TBC1D8: variants seen among roughly 807,000 people sequenced by gnomAD.
TBC1D8 encodes TBC1 domain family member 8, also known as BUB2-like protein 1.
TBC1D8 carries 65 observed loss-of-function variants against 118.8 expected under a neutral mutation model. The ratio of observed to expected loss-of-function variants is 0.55; its 90% CI spans 0.45 to 0.67. TBC1D8 has a LOEUF of 0.67. TBC1D8 is among the 30% of genes least tolerant of loss of function. The pLI, the probability that TBC1D8 is intolerant of heterozygous loss-of-function variation, is 0.00. For missense variants in TBC1D8, 1,376 were observed against 1,471.2 expected (o/e 0.94, Z 1.06); for synonymous variants, 566 against 595.8 (o/e 0.95, Z 0.73).
intron 2 of TBC1D8, among the ~76,000 whole-genome samples, chr2:101,071,334 G>C (rs1573978357): frequency 6.6e-6 from 1 of 151,394 alleles, no homozygotes; most frequent in African/African-American, 2.4e-5. Context: ...GACACAGCGA[G>C]ACTCCGTCTC....
chr2:101,038,925 C>T (rs1045696316), intron 6 of TBC1D8, among the ~76,000 whole-genome samples: 8 of 152,210 alleles, frequency 5.3e-5, no homozygotes, highest in African/African-American at 1.4e-4. Flanking sequence ...GACAGAGGCT[C>T]CAGCATGGAT....
At chr2:101,140,842 A>G (rs545768426) in intron 1 of TBC1D8, among the ~76,000 whole-genome samples, 1 of 149,884 alleles carries the variant, frequency 6.7e-6, no homozygotes, top group South Asian at 2.1e-4. Context: ...AGCTCACTGC[A>G]ACCTCCGTCT....
intron 19 of TBC1D8, 77 bp from the exon 20 acceptor site, chr2:101,008,350 G>A: frequency 3.4e-6 from 4 of 1,181,590 alleles, no homozygotes; most frequent in Non-Finnish European, 4.6e-6. Context: ...ATACCTGTGA[G>A]CTTTGAGAAA....
At chr2:101,062,646 A>G (rs1250885062) in intron 2 of TBC1D8, among the ~76,000 whole-genome samples, 1 of 152,098 alleles carries the variant, frequency 6.6e-6, no homozygotes, top group Non-Finnish European at 1.5e-5. Context: ...TTGAATCATT[A>G]TTATTTATTA....
At position 101,020,753 on chromosome 2, in the gene TBC1D8, A is replaced by G. The variant is rs1438865699; in HGVS notation, c.2827+928T>C. Among the ~76,000 whole-genome samples, 3 of 152,278 alleles carry G rather than the reference A, an allele frequency of 2.0e-5. 1 individual carries two copies. In the South Asian group the frequency reaches 6.2e-4, roughly 32 times the overall value. On this transcript the variant is annotated intron_variant, in intron 17 of 19. Coordinates refer to ENST00000409318, the MANE Select transcript of TBC1D8 (RefSeq NM_001330348.2). ...CCCCTCATCCGAAGTGTTAAACTGC[A>G]TGCTGCTCTGAGTAATATTTTGAAA...
intron 1 of TBC1D8, among the ~76,000 whole-genome samples, chr2:101,117,568 CTT>C (rs201852112): frequency 0.017 from 2,020 of 119,504 alleles, 15 homozygotes; most frequent in African/African-American, 0.063. Flanking sequence ...GGAGGCAGAA[CTT>C]TTTTTTTTTT....
chr2:101,107,862 T>C (rs539487366), intron 1 of TBC1D8, among the ~76,000 whole-genome samples: 1 of 152,250 alleles, frequency 6.6e-6, no homozygotes, highest in South Asian at 2.1e-4. Flanking sequence ...AGCCAGGTGA[T>C]TGAGGACAGC....
At chr2:101,037,381 G>A (rs943551608) in intron 8 of TBC1D8, 151 bp downstream of exon 8, 46 of 1,150,440 alleles carry the variant, frequency 4.0e-5, no homozygotes, top group Middle Eastern at 3.0e-4. Context: ...CACCTCAGTG[G>A]TCACTTTTCA....
chr2:101,014,474 TCATCAACA>T (rs988226366), intron 17 of TBC1D8, among the ~76,000 whole-genome samples: 18 of 152,234 alleles, frequency 1.2e-4, no homozygotes, highest in Non-Finnish European at 1.9e-4. Context: ...TTTGCAAATT[TCATCAACA>T]CATCATCCCT....
intron 6 of TBC1D8, among the ~76,000 whole-genome samples, chr2:101,039,294 T>A (rs1681232282): frequency 6.6e-6 from 1 of 152,148 alleles, no homozygotes; most frequent in African/African-American, 2.4e-5. Context: ...CACTAATAAG[T>A]AAAAATATTT....
chr2:101,038,051 C>T (rs1681138165), intron 7 of TBC1D8, among the ~76,000 whole-genome samples: 1 of 152,176 alleles, frequency 6.6e-6, no homozygotes, highest in Admixed American at 6.5e-5. Flanking sequence ...ACCTCCTTTT[C>T]TCCCCATCAC....
chr2:101,100,578 A>G (rs923713350), intron 1 of TBC1D8, among the ~76,000 whole-genome samples: 2 of 152,132 alleles, frequency 1.3e-5, no homozygotes, highest in Non-Finnish European at 2.9e-5. Flanking sequence ...AAAAAGAACA[A>G]AGCTGAAAAT....
At chr2:101,023,779 G>A (rs1680183585) in intron 15 of TBC1D8, 1 of 278,182 alleles carries the variant, frequency 3.6e-6, no homozygotes. Flanking sequence ...ATTCACAAAA[G>A]TCTGAAGTAG....
At chr2:101,133,422 CCTGT>C (rs1188650495) in intron 1 of TBC1D8, among the ~76,000 whole-genome samples, 1 of 152,072 alleles carries the variant, frequency 6.6e-6, no homozygotes, top group Non-Finnish European at 1.5e-5. Context: ...TCCCTCTCTC[CCTGT>C]CTTAGTCCAT....
chr2:101,106,612 T>C (rs1677235202), intron 1 of TBC1D8, among the ~76,000 whole-genome samples: 1 of 152,220 alleles, frequency 6.6e-6, no homozygotes, highest in South Asian at 2.1e-4. Flanking sequence ...CAGATGGTCC[T>C]CGACTAACAA....
Position 101,037,517 on chromosome 2 carries a change from C to G in TBC1D8, c.1452+15G>C. On this transcript the variant is annotated intron_variant, in intron 8 of 19. Coordinates refer to ENST00000409318, the MANE Select transcript of TBC1D8 (RefSeq NM_001330348.2). ...TCAGCTTTGTGGTCCAGCTTGGGCA[C>G]CAGGCGTCACCCACCATTCGGGAGT... 6.2e-7 allele frequency: 1 copy of G among 1,610,230 alleles called. No homozygotes were observed. The highest frequency in any genetic ancestry group is 1.7e-5 in the Admixed American group (1 of 59,878).
intron 11 of TBC1D8, among the ~76,000 whole-genome samples, chr2:101,031,698 A>G (rs940335355): frequency 2.0e-5 from 3 of 151,936 alleles, no homozygotes; most frequent in African/African-American, 7.3e-5. Context: ...CCCAGAGTCC[A>G]GATAGCAGCC....
At chr2:101,141,839 TA>T (rs199953466) in intron 1 of TBC1D8, among the ~76,000 whole-genome samples, 2 of 138,880 alleles carry the variant, frequency 1.4e-5, no homozygotes, top group Admixed American at 7.5e-5. Context: ...ACAAGGCTCA[TA>T]AAAAAAACTA....
chr2:101,143,044 T>C (rs1018401073), intron 1 of TBC1D8, among the ~76,000 whole-genome samples: 2 of 147,440 alleles, frequency 1.4e-5, no homozygotes, highest in African/African-American at 2.5e-5. Flanking sequence ...TATTTTATTG[T>C]TGATTTTTCT....
Sources: gnomAD v4.1 joint callset for allele counts (sites outside exome capture counted in the v4.1 genomes callset) on GRCh38, gnomAD v4.1.1 for gene constraint, MANE v1.5 for transcripts, NCBI Gene and HGNC (gene_info 2026-07-23, HGNC 2026-07-21) for gene names.